ABTB3: variants seen among roughly 807,000 people sequenced by gnomAD.
The protein encoded by ABTB3 is ankyrin repeat and BTB domain containing 3, also known as ankyrin repeat- and BTB/POZ domain-containing protein 3.
chr12:107,643,111 C>G, the ABTB3 span, among the ~76,000 whole-genome samples: 1 of 152,038 alleles, frequency 6.6e-6, no homozygotes, highest in Non-Finnish European at 1.5e-5. Flanking sequence ...ATGTGGGTGA[C>G]CTGGGGATAG....
At chr12:107,528,120 T>G in the ABTB3 span, among the ~76,000 whole-genome samples, 8 of 152,102 alleles carry the variant, frequency 5.3e-5, no homozygotes, top group Non-Finnish European at 1.2e-4. Flanking sequence ...AGCCCACCAT[T>G]GGAATTTGTG....
the ABTB3 span, among the ~76,000 whole-genome samples, chr12:107,644,133 T>C: frequency 6.6e-6 from 1 of 152,182 alleles, no homozygotes; most frequent in Non-Finnish European, 1.5e-5. Context: ...TCCAAAGTCT[T>C]AGTTCTAGTT....
At chr12:107,523,659 A>G in the ABTB3 span, among the ~76,000 whole-genome samples, 2 of 152,138 alleles carry the variant, frequency 1.3e-5, no homozygotes, top group Non-Finnish European at 2.9e-5. Flanking sequence ...TGTGAATGCT[A>G]TTTTGAGATG....
At chr12:107,519,331 C>CTTTTTTTTT in the ABTB3 span, among the ~76,000 whole-genome samples, 2 of 140,092 alleles carry the variant, frequency 1.4e-5, no homozygotes, top group Admixed American at 7.4e-5. Context: ...TTTTCTTTTT[C>CTTTTTTTTT]TTTTTTTTTT....
the ABTB3 span, among the ~76,000 whole-genome samples, chr12:107,624,035 A>G: frequency 6.6e-6 from 1 of 152,118 alleles, no homozygotes; most frequent in East Asian, 1.9e-4. Context: ...GCAGGTGATT[A>G]GGCTCCTAGT....
the ABTB3 span, among the ~76,000 whole-genome samples, chr12:107,626,905 T>C: frequency 3.3e-5 from 5 of 152,120 alleles, no homozygotes; most frequent in Admixed American, 3.3e-4. Flanking sequence ...TCATCTGATT[T>C]GGGAGGCCAA....
At chr12:107,544,101 C>T in the ABTB3 span, 26 of 1,614,066 alleles carry the variant, frequency 1.6e-5, no homozygotes, top group Admixed American at 3.7e-4. Context: ...GGGAAAACCC[C>T]AACGTGGAGC....
the ABTB3 span, chr12:107,642,151 G>A: frequency 2.9e-5 from 46 of 1,614,008 alleles, no homozygotes; most frequent in East Asian, 9.8e-4. Context: ...GATTGGTTAT[G>A]TGAAATACTC....
the ABTB3 span, among the ~76,000 whole-genome samples, chr12:107,358,763 T>C: frequency 6.6e-6 from 1 of 152,060 alleles, no homozygotes; most frequent in Non-Finnish European, 1.5e-5. Flanking sequence ...CACAGCTAAG[T>C]TTTGTATTTT....
At chr12:107,414,980 C>G in the ABTB3 span, among the ~76,000 whole-genome samples, 1 of 152,218 alleles carries the variant, frequency 6.6e-6, no homozygotes, top group South Asian at 2.1e-4. Context: ...TCCCAAAGTG[C>G]TAGGATTATA....
At chr12:107,490,271 G>A in the ABTB3 span, among the ~76,000 whole-genome samples, 170 of 152,242 alleles carry the variant, frequency 1.1e-3, 1 homozygote, top group South Asian at 2.1e-3. Flanking sequence ...TGGTCCCTAC[G>A]GTCAGCAGGG....
At chr12:107,516,098 C>T in the ABTB3 span, among the ~76,000 whole-genome samples, 1 of 151,656 alleles carries the variant, frequency 6.6e-6, no homozygotes, top group African/African-American at 2.4e-5. Context: ...TATTCTTACT[C>T]TGAGTCACAG....
At chr12:107,606,353 G>A in the ABTB3 span, among the ~76,000 whole-genome samples, 7 of 152,046 alleles carry the variant, frequency 4.6e-5, no homozygotes, top group South Asian at 2.1e-4. Context: ...TCTTAGCTAC[G>A]GTAATTTTCT....
chr12:107,657,376 T>C, the ABTB3 span: 1 of 762,882 alleles, frequency 1.3e-6, no homozygotes, highest in African/African-American at 1.7e-5. Flanking sequence ...CATGGGTGTG[T>C]GCTGGGGAAT....
the ABTB3 span, among the ~76,000 whole-genome samples, chr12:107,645,819 G>A: frequency 6.6e-6 from 1 of 152,230 alleles, no homozygotes. Flanking sequence ...TTTGACGGGG[G>A]AAGGTTTCCT....
chr12:107,387,367 A>G, the ABTB3 span, among the ~76,000 whole-genome samples: 2 of 152,148 alleles, frequency 1.3e-5, no homozygotes, highest in Non-Finnish European at 2.9e-5. Context: ...CCCTCTTGGT[A>G]GTAGGCAGTA....
chr12:107,572,473 G>A, the ABTB3 span, among the ~76,000 whole-genome samples: 100 of 152,188 alleles, frequency 6.6e-4, 1 homozygote, highest in African/African-American at 2.2e-3. Context: ...GCACAGACCC[G>A]GGAATATCCA....
chr12:107,369,706 G>GT, the ABTB3 span, among the ~76,000 whole-genome samples: 68 of 74,774 alleles, frequency 9.1e-4, 2 homozygotes, highest in African/African-American at 3.0e-3. Context: ...GCCCAAACAT[G>GT]GTTTTTTTTT....
chr12:107,582,031 C>A, the ABTB3 span, among the ~76,000 whole-genome samples: 3 of 152,102 alleles, frequency 2.0e-5, no homozygotes, highest in Non-Finnish European at 4.4e-5. Flanking sequence ...CCCTTCCTAC[C>A]CACTTGATGG....
Sources: allele counts gnomAD v4.1 joint callset (sites outside exome capture counted in the v4.1 genomes callset), GRCh38; gene constraint gnomAD v4.1.1; transcripts MANE v1.5; gene names NCBI Gene and HGNC (gene_info 2026-07-23, HGNC 2026-07-21).